The following CRIP2 variants were observed in gnomAD, a reference collection of about 807,000 sequenced individuals.
The protein encoded by CRIP2 is cysteine-rich protein 2.
A neutral mutation model predicts 31.3 loss-of-function variants in CRIP2; 31 were observed. That is an observed-to-expected ratio of 0.99 (90% CI 0.74 to 1.34). CRIP2 has a LOEUF of 1.34. Ranked by LOEUF, CRIP2 falls within the 40% of genes most tolerant of loss-of-function variation. The probability of loss-of-function intolerance (pLI) is 0.00; values close to 1 mark genes in which losing one functional copy is unlikely to be tolerated. For missense variants in CRIP2, 389 were observed against 301.6 expected (o/e 1.29, Z -2.15); for synonymous variants, 177 against 127.2 (o/e 1.39, Z -2.63).
chr14:105,477,874 GCA>G (rs1555436196), intron 1 of CRIP2, among the ~76,000 whole-genome samples: 11 of 27,422 alleles, frequency 4.0e-4, no homozygotes, highest in African/African-American at 4.6e-4. Flanking sequence ...TGGAGCGCGG[GCA>G]GGTGTTGGAG....
chr14:105,479,466 T>A lies in CRIP2; in HGVS notation c.532T>A (p.Cys178Ser), dbSNP rs782799685. Residue 178 changes from cysteine (C) to serine (S), a missense_variant, in exon 7 of 8, where the codon TGC becomes AGC. Cys to Ser is a moderately radical substitution (Grantham distance 112). Transcript: ENST00000329146. The part of the protein sequence containing the change: ...HDGQPYCHKP[C>S]YGILFGPKGV... ...CGGCCAGCCCTACTGCCACAAGCCC[T>A]GCTATGGAATCCTCTTCGGACCCAA... The A allele has an allele frequency of 2.5e-6, 4 of 1,612,936 alleles. No individual in the cohort carries two copies. The highest frequency in any genetic ancestry group is 3.4e-6 in the Non-Finnish European group (4 of 1,179,950).
At position 105,478,702 on chromosome 14, in the gene CRIP2, A is replaced by G. The variant is rs1409982345; in HGVS notation, c.197-29A>G. 9 of 1,432,756 alleles carry G rather than the reference A, an allele frequency of 6.3e-6. No individual in the cohort carries two copies. The highest frequency in any genetic ancestry group is 2.7e-5 in the Admixed American group (1 of 36,630). The allele number at this position is 1,432,756 out of a possible 1,614,324, so 88.8% of individuals were successfully genotyped here. A position where few individuals can be genotyped will look rare whatever the true frequency, so the allele number is the denominator to read the frequency against. ...GGTGGCCGCGGCCCCCACCCCACGT[A>G]CCCCCGCCCCACGTACCCCCACCCG... On this transcript the variant is annotated intron_variant, in intron 3 of 7. Coordinates refer to ENST00000329146, the MANE Select transcript of CRIP2 (RefSeq NM_001312.4). The surrounding 1 kb of genome is among the most constrained non-coding windows in gnomAD (Gnocchi z 4.9).
intron 6 of CRIP2, 103 bp from the exon 7 acceptor site, chr14:105,479,333 C>T (rs1347004087): frequency 3.2e-6 from 5 of 1,553,086 alleles, no homozygotes; most frequent in Admixed American, 3.4e-5. Context: ...AGCTGCGCTG[C>T]CCTCTCCCCC....
intron 1 of CRIP2, chr14:105,476,044 T>G (rs1456101948): frequency 1.0e-6 from 1 of 985,428 alleles, no homozygotes; most frequent in Non-Finnish European, 1.2e-6. Flanking sequence ...CTGGAGTGCT[T>G]CTGGCGTGGC....
rs2084027433 is a variant in CRIP2 at position 105,479,123 on chromosome 14, A to G, written c.407-2A>G. ...CTCGGCCTCACTCCTCCCCCTTTCC[A>G]GCTGAGAAGGTGACGTCTCTGGGCA... On this transcript the variant is annotated splice_acceptor_variant, in intron 5 of 7. Coordinates refer to ENST00000329146, the MANE Select transcript of CRIP2 (RefSeq NM_001312.4). LOFTEE classifies it high-confidence loss of function. 1.9e-6 allele frequency: 3 copies of G among 1,610,738 alleles called. No homozygotes were observed. Among genetic ancestry groups the G allele is most frequent in the Non-Finnish European group, 2.5e-6 (3 of 1,179,074 alleles).
intron 1 of CRIP2, chr14:105,476,725 C>T: frequency 1.0e-6 from 1 of 985,470 alleles, no homozygotes; most frequent in South Asian, 4.7e-5. Context: ...ACCGTGCAGC[C>T]AGCCCCTGCC....
In CRIP2 at chr14:105,479,060, C is replaced by G; in HGVS notation, c.406+13C>G. Reference sequence around the variant, plus strand: ...AAGGTGTACTTCGGTGAGTGCGCGCCCGGGCCCCGGACCCCCGCCCCCGCC... The same window carrying G: ...AAGGTGTACTTCGGTGAGTGCGCGCGCGGGCCCCGGACCCCCGCCCCCGCC... On this transcript the variant is annotated intron_variant, in intron 5 of 7. Transcript: ENST00000329146. 1 of 1,566,226 alleles carries G rather than the reference C, an allele frequency of 6.4e-7. No homozygotes were observed. The highest frequency in any genetic ancestry group is 1.9e-5 in the Admixed American group (1 of 53,518).
At position 105,478,287 on chromosome 14, in the gene CRIP2, G is replaced by A; in HGVS notation, c.65G>A (p.Gly22Glu). The A allele has an allele frequency of 6.4e-7, 1 of 1,568,664 alleles. No individual in the cohort carries two copies. The highest frequency in any genetic ancestry group is 1.2e-5 in the South Asian group (1 of 86,502). The change falls in exon 2 of 8, where the codon GGG (glycine) becomes GAG (glutamate). Residue 22 changes from glycine (G) to glutamate (E), a missense_variant. By Grantham distance (98) the Gly-to-Glu change is moderately conservative (BLOSUM62 -2). Transcript: ENST00000329146. This position sits in a 1 kb window ranked among gnomAD's most constrained non-coding sequence, Gnocchi z 4.9. Reference sequence around the variant, plus strand: ...TCAGCCGAGAAGGTGAGCTCCCTGGGGAAGGACTGGCACAAGTTCTGCCTC... The same window carrying A: ...TCAGCCGAGAAGGTGAGCTCCCTGGAGAAGGACTGGCACAAGTTCTGCCTC... ...VYFAEKVSSL[G>E]KDWHKFCLKC...
Position 105,479,812 on chromosome 14 carries a change from ATCC to A in CRIP2, c.*160_*162del, listed in dbSNP as rs1555437032. On this transcript the variant is annotated 3_prime_UTR_variant, in exon 8 of 8. Coordinates refer to ENST00000329146, the MANE Select transcript of CRIP2 (RefSeq NM_001312.4). ...CAGCCACGGGCAGAGCACCATGCCC[ATCC>A]CCGAGTCTCTGGTGTGTCTGCCCCC... 21 of 739,518 alleles carry A rather than the reference ATCC, an allele frequency of 2.8e-5. No homozygotes were observed. The Admixed American group carries it at 4.6e-4, about 16-fold the overall frequency. The allele number at this position is 739,518 out of a possible 1,614,324, so 45.8% of individuals were successfully genotyped here.
chr14:105,473,327 C>CG (rs782118836), upstream of CRIP2: 154 of 48,646 alleles, frequency 3.2e-3, no homozygotes, highest in African/African-American at 0.01. Context: ...GTCAGTCGGG[C>CG]GGGGGGGCGG....
In CRIP2 at chr14:105,479,509, GTGGTCCACGA is replaced by G; in HGVS notation, c.559+19_559+28del. On this transcript the variant is annotated intron_variant, in intron 7 of 7. Coordinates refer to ENST00000329146, the MANE Select transcript of CRIP2 (RefSeq NM_001312.4). ...GGACCCAAGGGTGAGTGTAGCCAGGGTGGTCCACGATGTCTTCCCTGCCCTCCCCTTCCCT... is the reference window on the plus strand; with the variant it reads ...GGACCCAAGGGTGAGTGTAGCCAGGGTGTCTTCCCTGCCCTCCCCTTCCCT... The G allele has an allele frequency of 6.2e-7, 1 of 1,612,924 alleles. No homozygotes were observed.
chr14:105,477,851 GGGA>G (rs2083976524), intron 1 of CRIP2, among the ~76,000 whole-genome samples: 1 of 100,668 alleles, frequency 9.9e-6, no homozygotes, highest in Non-Finnish European at 2.3e-5. Context: ...GCGGGTGTCC[GGGA>G]GGCAGGTGTT....
upstream of CRIP2, chr14:105,473,218 G>A: frequency 1.3e-6 from 2 of 1,533,372 alleles, no homozygotes; most frequent in Non-Finnish European, 1.7e-6. Flanking sequence ...CTGCCAGGGA[G>A]GAAGGGCTGC....
Position 105,478,192 on chromosome 14 carries a change from T to TGGCTGCCAGGTGGG in CRIP2, c.44-70_44-57dup, listed in dbSNP as rs1332517188. ...GGACCCCCGGAGCGCGTGGGGGTGG[T>TGGCTGCCAGGTGGG]GGCTGCCAGGTGGGGGCGGAGGGGG... is the stretch of plus-strand genomic sequence containing the variant. On this transcript the variant is annotated intron_variant, in intron 1 of 7. Transcript: ENST00000329146. This position sits in a 1 kb window ranked among gnomAD's most constrained non-coding sequence, Gnocchi z 4.9. 8.1e-7 allele frequency: 1 copy of TGGCTGCCAGGTGGG among 1,229,572 alleles called. No individual in the cohort carries two copies. The highest frequency in any genetic ancestry group is 1.1e-6 in the Non-Finnish European group (1 of 922,394). The allele number at this position is 1,229,572 out of a possible 1,614,324, so 76.2% of individuals were successfully genotyped here. A position where few individuals can be genotyped will look rare whatever the true frequency, so the allele number is the denominator to read the frequency against.
At chr14:105,476,846 C>A in intron 1 of CRIP2, 2 of 874,832 alleles carry the variant, frequency 2.3e-6, no homozygotes, top group Non-Finnish European at 2.7e-6. Context: ...CTGGCCATGC[C>A]CAGAGGGTTG....
At chr14:105,473,150 C>A, upstream of CRIP2, 1 of 1,411,042 alleles carries the variant, frequency 7.1e-7, no homozygotes, top group South Asian at 1.3e-5. Flanking sequence ...TGGCAGTGGG[C>A]CCATGAATCC....
upstream of CRIP2, chr14:105,473,564 C>T: frequency 6.7e-7 from 1 of 1,502,732 alleles, no homozygotes; most frequent in Non-Finnish European, 8.9e-7. Context: ...GGAAGGGTGT[C>T]CAGAGTCAGC....
At chr14:105,474,787 A>C (rs1278501202), upstream of CRIP2, 5 of 1,205,008 alleles carry the variant, frequency 4.1e-6, no homozygotes, top group African/African-American at 8.2e-5. The surrounding 1 kb of genome is among the most constrained non-coding windows in gnomAD (Gnocchi z 5.1). Context: ...ACAGCCGGGC[A>C]GGCGGGGCTG....
At chr14:105,474,609 C>A, upstream of CRIP2, 1 of 202,630 alleles carries the variant, frequency 4.9e-6, no homozygotes, top group Non-Finnish European at 8.6e-6. The surrounding 1 kb of genome is among the most constrained non-coding windows in gnomAD (Gnocchi z 5.1). Flanking sequence ...CCCCTGTAGA[C>A]GCCACCTCCG....
Sources: gnomAD v4.1 joint callset for allele counts (sites outside exome capture counted in the v4.1 genomes callset) on GRCh38, gnomAD v4.1.1 for gene constraint, Gnocchi (gnomAD v3.1) non-coding constraint, MANE v1.5 for transcripts, NCBI Gene and HGNC (gene_info 2026-07-23, HGNC 2026-07-21) for gene names.